The following PRTG variants were observed in gnomAD, a reference collection of about 807,000 sequenced individuals.
PRTG encodes the protein immunoglobulin superfamily, DCC subclass, member 5.
PRTG carries 67 observed loss-of-function variants against 122.5 expected under a neutral mutation model. That is an observed-to-expected ratio of 0.55 (90% CI 0.45 to 0.67). The LOEUF (loss-of-function observed/expected upper bound fraction) is 0.67. Among genes scored for constraint, PRTG ranks in the 30% least tolerant of loss-of-function variants. PRTG has a pLI of 0.00. For synonymous variants in PRTG, 554 were observed against 501.1 expected (o/e 1.11, Z -1.41); for missense variants, 1,435 against 1,415.4 (o/e 1.01, Z -0.22).
chr15:55,709,780 A>G lies in PRTG; in HGVS notation c.398-25849T>C, dbSNP rs183076389. Among the ~76,000 whole-genome samples the G allele has an allele frequency of 1.2e-4, 18 of 152,332 alleles. No individual in the cohort carries two copies. In the Middle Eastern group the frequency reaches 0.01, roughly 86 times the overall value. Reference sequence around the variant, plus strand: ...AATCTGTACAAACAAACGAGTACATATTATTTGAACATTCTAAAAAGGCAA... The same window carrying G: ...AATCTGTACAAACAAACGAGTACATGTTATTTGAACATTCTAAAAAGGCAA... On this transcript the variant is annotated intron_variant, in intron 2 of 19. Coordinates refer to ENST00000389286, the MANE Select transcript of PRTG (RefSeq NM_173814.6).
intron 11 of PRTG, among the ~76,000 whole-genome samples, chr15:55,642,526 G>A (rs1320521343): frequency 3.4e-5 from 5 of 149,156 alleles, no homozygotes; most frequent in African/African-American, 7.4e-5. Flanking sequence ...ACTAAGACAG[G>A]AGAATCGCTT....
intron 11 of PRTG, among the ~76,000 whole-genome samples, chr15:55,666,299 C>T (rs2059439195): frequency 1.3e-5 from 2 of 152,174 alleles, no homozygotes; most frequent in South Asian, 4.1e-4. Flanking sequence ...GGATTAGAAC[C>T]TCACTCTTAT....
In PRTG at chr15:55,740,422, A is replaced by G. The variant is rs376236740; in HGVS notation, c.357T>C (p.Tyr119=). 1.1e-5 allele frequency: 17 copies of G among 1,613,298 alleles called. No homozygotes were observed. The highest frequency in any genetic ancestry group is 1.4e-5 in the Non-Finnish European group (16 of 1,179,692). Reference sequence around the variant, plus strand: ...GAGCTTTTTGACTAAGAATGGCTCCATATTTGTTCATTGCCAAGCACTGAT... The same window carrying G: ...GAGCTTTTTGACTAAGAATGGCTCCGTATTTGTTCATTGCCAAGCACTGAT... ...GFYQCLAMNK[Y]GAILSQKAHL... Residue 119 remains tyrosine (Y), a synonymous_variant, in exon 2 of 20, where the codon TAT becomes TAC. Coordinates refer to ENST00000389286, the MANE Select transcript of PRTG (RefSeq NM_173814.6).
chr15:55,656,792 G>C (rs1024559202), intron 11 of PRTG, among the ~76,000 whole-genome samples: 11 of 152,220 alleles, frequency 7.2e-5, no homozygotes, highest in Admixed American at 3.9e-4. Flanking sequence ...ACAGGCATGA[G>C]CCTGGCCAGA....
chr15:55,723,855 G>A (rs931787504), intron 2 of PRTG, among the ~76,000 whole-genome samples: 1 of 150,016 alleles, frequency 6.7e-6, no homozygotes, highest in Non-Finnish European at 1.5e-5. Context: ...AGGTTCAAGC[G>A]ATTCTCCTGC....
At chr15:55,699,836 A>C (rs2059652212) in intron 2 of PRTG, among the ~76,000 whole-genome samples, 1 of 152,228 alleles carries the variant, frequency 6.6e-6, no homozygotes, top group Admixed American at 6.5e-5. Flanking sequence ...ACCAGATATA[A>C]AAAGGCTGGA....
intron 1 of PRTG, 80 bp from the exon 2 acceptor site, chr15:55,740,764 A>G: frequency 8.2e-7 from 1 of 1,217,578 alleles, no homozygotes; most frequent in Non-Finnish European, 1.2e-6. Flanking sequence ...TGTAAAACAC[A>G]TATTCAGGGT....
intron 2 of PRTG, among the ~76,000 whole-genome samples, chr15:55,721,346 A>G (rs2030815341): frequency 1.3e-5 from 2 of 152,176 alleles, no homozygotes. Flanking sequence ...GATGAAGCCA[A>G]TCCCTTGCAG....
rs1385586084 is a variant in PRTG, at chr15:55,661,648, T to TA, written c.2041+10796dup. Among the ~76,000 whole-genome samples, 4 of 152,224 alleles carry TA rather than the reference T, an allele frequency of 2.6e-5. No homozygotes were observed. The East Asian group carries it at 5.8e-4, about 22-fold the overall frequency. The stretch of plus-strand genomic sequence containing the variant: ...AATCACAGCAAGCTAATTTAGGTAC[T>TA]AAAAAAAGTTACTCTTCTCCACATG... On this transcript the variant is annotated intron_variant, in intron 11 of 19. Transcript: ENST00000389286.
At position 55,664,360 on chromosome 15, in the gene PRTG, C is replaced by T. The variant is rs536094359; in HGVS notation, c.2041+8085G>A. Among the ~76,000 whole-genome samples the T allele has an allele frequency of 1.1e-4, 17 of 152,224 alleles. No homozygotes were observed. The South Asian group carries it at 3.3e-3, about 30-fold the overall frequency. ...GTTTCACCATGTTGGCCAAGCTGGT[C>T]TTGAACTCCCGACCTCAGGTGATCC... On this transcript the variant is annotated intron_variant, in intron 11 of 19. Coordinates refer to ENST00000389286, the MANE Select transcript of PRTG (RefSeq NM_173814.6).
In PRTG at chr15:55,641,192, A is replaced by G. The variant is rs774648453; in HGVS notation, c.2058T>C (p.Tyr686=). The change falls in exon 12 of 20, where the codon TAT becomes TAC. Residue 686 remains tyrosine, a synonymous_variant. Coordinates refer to ENST00000389286, the MANE Select transcript of PRTG (RefSeq NM_173814.6). ...TLSGLDPRRK[Y]HVRLLAYNNI... Reference sequence around the variant, plus strand: ...TGTTGTAAGCCAGGAGTCTCACATGATATTTTCTTCTGGGGTCTATAAAGA... The same window carrying G: ...TGTTGTAAGCCAGGAGTCTCACATGGTATTTTCTTCTGGGGTCTATAAAGA... The G allele has an allele frequency of 3.1e-6, 5 of 1,613,142 alleles. No individual in the cohort carries two copies. Among genetic ancestry groups the G allele is most frequent in the Admixed American group, 1.7e-5 (1 of 60,004 alleles).
At chr15:55,729,724 T>C (rs2031164640) in intron 2 of PRTG, among the ~76,000 whole-genome samples, 1 of 152,276 alleles carries the variant, frequency 6.6e-6, no homozygotes, top group South Asian at 2.1e-4. Context: ...TTCCATGCAA[T>C]AATAATGACA....
At chr15:55,643,653 C>G (rs572278926) in intron 11 of PRTG, among the ~76,000 whole-genome samples, 1 of 151,854 alleles carries the variant, frequency 6.6e-6, no homozygotes, top group South Asian at 2.1e-4. Context: ...CCAACTCCTG[C>G]ACTCAAGCTA....
intron 9 of PRTG, among the ~76,000 whole-genome samples, chr15:55,674,241 G>A (rs1335588101): frequency 6.6e-6 from 1 of 152,158 alleles, no homozygotes; most frequent in Non-Finnish European, 1.5e-5. Context: ...GTTCAGATGG[G>A]TTCTAGAGTT....
At chr15:55,720,296 G>C (rs897206923) in intron 2 of PRTG, among the ~76,000 whole-genome samples, 1 of 151,998 alleles carries the variant, frequency 6.6e-6, no homozygotes, top group African/African-American at 2.4e-5. Flanking sequence ...GGCAGAAGTT[G>C]CAGTGAGTTG....
chr15:55,660,580 TAAAA>T (rs2059404538), intron 11 of PRTG, among the ~76,000 whole-genome samples: 2 of 152,176 alleles, frequency 1.3e-5, no homozygotes, highest in South Asian at 4.1e-4. Flanking sequence ...TACAGACTCT[TAAAA>T]ATAGGAGAAT....
chr15:55,640,764 C>A (rs985231237), intron 12 of PRTG, among the ~76,000 whole-genome samples: 5 of 151,914 alleles, frequency 3.3e-5, no homozygotes, highest in African/African-American at 1.2e-4. Flanking sequence ...AATCCCAGCA[C>A]TTTGGGAGGC....
chr15:55,628,965 C>T lies in PRTG; in HGVS notation c.2663G>A (p.Gly888Glu). Residue 888 changes from glycine to glutamate, a missense_variant, in exon 16 of 20, where the codon GGA becomes GAA. Transcript: ENST00000389286. ...AGATATCTTGACAATGTACACATTTCCTGCTACCAAGTTTTCTAGCAAAGC... is the reference window on the plus strand; with the variant it reads ...AGATATCTTGACAATGTACACATTTTCTGCTACCAAGTTTTCTAGCAAAGC... ...TMALLENLVA[G>E]NVYIVKISAS... 2 of 1,612,174 alleles carry T rather than the reference C, an allele frequency of 1.2e-6. No individual in the cohort carries two copies. The highest frequency in any genetic ancestry group is 8.5e-7 in the Non-Finnish European group (1 of 1,178,736).
intron 2 of PRTG, among the ~76,000 whole-genome samples, chr15:55,731,907 T>C (rs893983370): frequency 4.6e-5 from 7 of 152,216 alleles, no homozygotes; most frequent in South Asian, 4.1e-4. Flanking sequence ...GGTGATTCTG[T>C]CATGTGAACA....
Sources: gnomAD v4.1 joint callset for allele counts (sites outside exome capture counted in the v4.1 genomes callset) on GRCh38, gnomAD v4.1.1 for gene constraint, MANE v1.5 for transcripts, NCBI Gene and HGNC (gene_info 2026-07-23, HGNC 2026-07-21) for gene names.